The following DGLUCY variants were observed in gnomAD, a reference collection of about 807,000 sequenced individuals.
DGLUCY encodes D-glutamate cyclase, also known as D-glutamate cyclase, mitochondrial.
Under a neutral mutation model 58.5 loss-of-function variants are expected in DGLUCY, and 58 were observed. The ratio of observed to expected loss-of-function variants is 0.99; its 90% CI spans 0.80 to 1.23. The LOEUF (loss-of-function observed/expected upper bound fraction) is 1.23. Ranked by LOEUF, DGLUCY falls within the 50% of genes most tolerant of loss-of-function variation. The pLI, the probability that DGLUCY is intolerant of heterozygous loss-of-function variation, is 0.00. For missense variants in DGLUCY, 779 were observed against 784.7 expected (o/e 0.99, Z 0.09); for synonymous variants, 325 against 314.1 (o/e 1.03, Z -0.37).
intron 1 of DGLUCY, among the ~76,000 whole-genome samples, chr14:91,095,118 G>T (rs2044373572): frequency 6.6e-6 from 1 of 151,398 alleles, no homozygotes; most frequent in African/African-American, 2.4e-5. Context: ...CAGTTCATTT[G>T]CCCCTGAAAG....
intron 8 of DGLUCY, among the ~76,000 whole-genome samples, chr14:91,187,535 C>T (rs1226696015): frequency 2.0e-5 from 3 of 152,206 alleles, no homozygotes; most frequent in Non-Finnish European, 2.9e-5. Flanking sequence ...TAGCACACAC[C>T]GCAGCTTCCC....
chr14:91,189,253 G>C (rs1365174946), intron 9 of DGLUCY, 83 bp downstream of exon 9: 4 of 1,538,346 alleles, frequency 2.6e-6, no homozygotes, highest in Non-Finnish European at 3.5e-6. Flanking sequence ...CTGCAGTACA[G>C]AGCATTCTCC....
intron 3 of DGLUCY, among the ~76,000 whole-genome samples, chr14:91,164,973 G>T (rs1343810167): frequency 2.0e-5 from 3 of 152,186 alleles, no homozygotes; most frequent in African/African-American, 7.2e-5. Flanking sequence ...GAGCCGTCTG[G>T]GAGTCAGGGA....
intron 8 of DGLUCY, among the ~76,000 whole-genome samples, chr14:91,184,960 C>A (rs1448686372): frequency 6.6e-6 from 1 of 151,980 alleles, no homozygotes; most frequent in Non-Finnish European, 1.5e-5. Flanking sequence ...ATAGTTGATC[C>A]CCTGGGTGGA....
chr14:91,165,419 G>A (rs2048222523), intron 3 of DGLUCY: 27 of 375,434 alleles, frequency 7.2e-5, no homozygotes, highest in South Asian at 5.2e-4. Flanking sequence ...CACACAGCTG[G>A]TCAGAGACAG....
At chr14:91,075,529 T>C (rs932305803) in intron 1 of DGLUCY, among the ~76,000 whole-genome samples, 31 of 152,174 alleles carry the variant, frequency 2.0e-4, no homozygotes, top group Non-Finnish European at 8.8e-5. Flanking sequence ...TGGAGCTTTT[T>C]AGTTTGCTTT....
At chr14:91,094,860 C>G (rs1029394837) in intron 1 of DGLUCY, among the ~76,000 whole-genome samples, 1 of 151,814 alleles carries the variant, frequency 6.6e-6, no homozygotes, top group Admixed American at 6.6e-5. Flanking sequence ...CGAGTGAGAA[C>G]TCAAGCCATG....
intron 1 of DGLUCY, among the ~76,000 whole-genome samples, chr14:91,108,526 T>TGTGTGTGTGTGTGTGA (rs1265665234): frequency 1.1e-4 from 6 of 52,180 alleles, no homozygotes; most frequent in African/African-American, 2.5e-4. Flanking sequence ...TGTGTGTGTG[T>TGTGTGTGTGTGTGTGA]GAGAGAGAGA....
chr14:91,200,000 G>C, intron 11 of DGLUCY, 95 bp downstream of exon 11: 1 of 1,515,104 alleles, frequency 6.6e-7, no homozygotes, highest in Non-Finnish European at 9.0e-7. Context: ...TGTCACCCAG[G>C]CTGGAGTGCA....
chr14:91,205,754 CTCTTCTTCT>C lies in DGLUCY; in HGVS notation c.1564+963_1564+971del, dbSNP rs34299453. Among the ~76,000 whole-genome samples the C allele has an allele frequency of 3.1e-3, 407 of 129,826 alleles. 5 individuals carry two copies. Among genetic ancestry groups the C allele is most frequent in the African/African-American group, 8.9e-3 (291 of 32,786 alleles). The allele number at this position is 129,826 out of a possible 152,430, so 85.2% of individuals were successfully genotyped here. On this transcript the variant is annotated intron_variant, in intron 12 of 13. Coordinates refer to ENST00000256324, the MANE Select transcript of DGLUCY (RefSeq NM_001102368.3). ...TCATTTTCAAGTAGGCCAGGGCATT[CTCTTCTTCT>C]TCTTCTTCTTCTTCTTCTTCTTCTT...
chr14:91,133,177 C>T (rs1402914424), intron 1 of DGLUCY, among the ~76,000 whole-genome samples: 1 of 151,978 alleles, frequency 6.6e-6, no homozygotes, highest in African/African-American at 2.4e-5. Context: ...CGTCTGTAAT[C>T]TCAGCTACTT....
chr14:91,171,585 G>C (rs977191211), intron 5 of DGLUCY, among the ~76,000 whole-genome samples: 5 of 152,212 alleles, frequency 3.3e-5, no homozygotes, highest in African/African-American at 1.2e-4. Flanking sequence ...CTATTATGCA[G>C]ACACTGCTGG....
rs1886379350 is a variant in DGLUCY at position 91,215,508 on chromosome 14, G to A, written c.1668G>A (p.Arg556=). ...TGAGGAAAGCAGTCGGACCCTCCAG[G>A]GCACCTGGAGATCAGGCCTGGACTC... is the stretch of plus-strand genomic sequence containing the variant. ...QYLRKAVGPS[R]APGDQAWTQA... The change falls in exon 13 of 14, where the codon AGG becomes AGA. Residue 556 remains arginine (R), a synonymous_variant. Transcript: ENST00000256324. 1 of 1,614,074 alleles carries A rather than the reference G, an allele frequency of 6.2e-7. No homozygotes were observed. The highest frequency in any genetic ancestry group is 8.5e-7 in the Non-Finnish European group (1 of 1,180,026).
In DGLUCY at chr14:91,066,034, A is replaced by G. The variant is rs1039248459; in HGVS notation, c.-82+5330A>G. ...AAAAGGTCAGATTTCTGCTATGGCC[A>G]GAAGAGTAATCAAGAAAAGACCTTG... On this transcript the variant is annotated intron_variant, in intron 1 of 4. Coordinates refer to the DGLUCY transcript ENST00000521334. 1.9e-4 allele frequency among the ~76,000 whole-genome samples: 29 copies of G among 152,232 alleles called. 1 individual carries two copies. The highest frequency in any genetic ancestry group is 6.5e-5 in the Admixed American group (1 of 15,280).
At chr14:91,153,838 A>G (rs1381738616) in intron 1 of DGLUCY, among the ~76,000 whole-genome samples, 1 of 152,240 alleles carries the variant, frequency 6.6e-6, no homozygotes, top group Non-Finnish European at 1.5e-5. Context: ...CAGCGTTAAC[A>G]TACAGCCTCA....
chr14:91,186,250 G>A (rs1467083636), intron 8 of DGLUCY, among the ~76,000 whole-genome samples: 1 of 151,322 alleles, frequency 6.6e-6, no homozygotes, highest in East Asian at 1.9e-4. Flanking sequence ...TCTTCTCCTC[G>A]CCCCCCCTTT....
chr14:91,147,406 G>T (rs1258946390), intron 1 of DGLUCY, among the ~76,000 whole-genome samples: 2 of 152,170 alleles, frequency 1.3e-5, no homozygotes, highest in African/African-American at 2.4e-5. Flanking sequence ...TTTTCAGTTT[G>T]TGAAGCCACA....
At chr14:91,189,208 G>A (rs201046703) in intron 9 of DGLUCY, 38 bp downstream of exon 9, 13 of 1,609,030 alleles carry the variant, frequency 8.1e-6, no homozygotes, top group South Asian at 6.6e-5. Context: ...TTCCCCAAAC[G>A]GGCTTTGTGG....
intron 1 of DGLUCY, among the ~76,000 whole-genome samples, chr14:91,128,161 C>T (rs1028431133): frequency 1.8e-4 from 28 of 151,980 alleles, no homozygotes; most frequent in Non-Finnish European, 7.4e-5. Context: ...ACTTAGGACA[C>T]TTGATTGCAA....
Sources: allele counts gnomAD v4.1 joint callset (sites outside exome capture counted in the v4.1 genomes callset), GRCh38; gene constraint gnomAD v4.1.1; transcripts MANE v1.5; gene names NCBI Gene and HGNC (gene_info 2026-07-23, HGNC 2026-07-21).